The following RALYL variants were observed in gnomAD, a reference collection of about 807,000 sequenced individuals.
The protein encoded by RALYL is RALY RNA binding protein like, also known as RNA-binding Raly-like protein.
Under a neutral mutation model 35.1 loss-of-function variants are expected in RALYL, and 29 were observed. The observed-to-expected ratio is 0.83, with a 90% confidence interval of 0.61 to 1.13. The LOEUF is 1.13. Ranked by LOEUF, RALYL falls within the 50% of genes most tolerant of loss-of-function variation. RALYL has a pLI of 0.00. For missense variants in RALYL, 359 were observed against 360.4 expected (o/e 1.00, Z 0.03); for synonymous variants, 120 against 127.6 (o/e 0.94, Z 0.40).
At chr8:84,209,641 G>T (rs114026624) in intron 1 of RALYL, among the ~76,000 whole-genome samples, 67 of 152,198 alleles carry the variant, frequency 4.4e-4, no homozygotes, top group African/African-American at 1.4e-3. Flanking sequence ...GAAGACCCTA[G>T]ACTTAGGTTC....
intron 1 of RALYL, among the ~76,000 whole-genome samples, chr8:84,379,453 C>T (rs1368018887): frequency 1.3e-5 from 2 of 151,806 alleles, no homozygotes; most frequent in Non-Finnish European, 2.9e-5. Context: ...TTCTAGCATT[C>T]ATATTACTAT....
chr8:84,201,167 A>G (rs1196886250), intron 1 of RALYL, among the ~76,000 whole-genome samples: 1 of 152,190 alleles, frequency 6.6e-6, no homozygotes, highest in Admixed American at 6.5e-5. Flanking sequence ...GAGGTGAGTG[A>G]AGTCAAATCA....
intron 2 of RALYL, among the ~76,000 whole-genome samples, chr8:84,570,510 A>G (rs1042215693): frequency 5.9e-5 from 9 of 151,954 alleles, no homozygotes; most frequent in Middle Eastern, 3.4e-3. Context: ...TAGGTATACA[A>G]TGATGTCATC....
chr8:84,747,161 T>G (rs1391338855), intron 2 of RALYL, among the ~76,000 whole-genome samples: 5 of 151,866 alleles, frequency 3.3e-5, no homozygotes, highest in African/African-American at 1.2e-4. Context: ...TTAAAATTGT[T>G]AGGAGTATGT....
intron 1 of RALYL, among the ~76,000 whole-genome samples, chr8:84,405,866 C>T (rs2043429552): frequency 7.3e-6 from 1 of 136,776 alleles, no homozygotes; most frequent in African/African-American, 2.9e-5. Context: ...TGCTCTGTCA[C>T]CCAGGCTCAG....
At chr8:84,598,531 A>G (rs1432013820) in intron 2 of RALYL, among the ~76,000 whole-genome samples, 1 of 152,196 alleles carries the variant, frequency 6.6e-6, no homozygotes, top group African/African-American at 2.4e-5. Flanking sequence ...TGAGCCCATC[A>G]ATACTTGGAA....
At chr8:84,683,794 C>G (rs1197723405) in intron 2 of RALYL, among the ~76,000 whole-genome samples, 3 of 152,182 alleles carry the variant, frequency 2.0e-5, no homozygotes, top group Non-Finnish European at 4.4e-5. Context: ...TCAAGCGATT[C>G]TCCTGCCACA....
chr8:84,253,598 C>T (rs890180372), intron 1 of RALYL, among the ~76,000 whole-genome samples: 2 of 152,012 alleles, frequency 1.3e-5, no homozygotes, highest in Non-Finnish European at 2.9e-5. Flanking sequence ...AATTGTCCTG[C>T]TCTTCAACCC....
At chr8:84,599,915 G>GTTT (rs754529728) in intron 2 of RALYL, among the ~76,000 whole-genome samples, 2 of 134,872 alleles carry the variant, frequency 1.5e-5, no homozygotes, top group Non-Finnish European at 3.2e-5. Flanking sequence ...AGCAGGAGGT[G>GTTT]TTTTTTTTTT....
chr8:84,525,872 G>T (rs1399529847), intron 1 of RALYL, among the ~76,000 whole-genome samples: 1 of 150,998 alleles, frequency 6.6e-6, no homozygotes, highest in Non-Finnish European at 1.5e-5. Flanking sequence ...CAATTCTTAA[G>T]ATCTGTAGGA....
chr8:84,443,067 C>G (rs145750141), intron 1 of RALYL, among the ~76,000 whole-genome samples: 289 of 152,240 alleles, frequency 1.9e-3, no homozygotes, highest in African/African-American at 6.8e-3. Flanking sequence ...ATTGTAAGGA[C>G]TTAGTACAAG....
intron 7 of RALYL, among the ~76,000 whole-genome samples, chr8:84,876,217 G>A (rs192637725): frequency 2.0e-5 from 3 of 152,246 alleles, no homozygotes; most frequent in Admixed American, 2.0e-4. Context: ...GCACAACTTA[G>A]CAAGTCATTT....
intron 1 of RALYL, among the ~76,000 whole-genome samples, chr8:84,425,050 G>C (rs1020339157): frequency 3.2e-4 from 49 of 152,338 alleles, no homozygotes; most frequent in African/African-American, 1.1e-3. Flanking sequence ...GAGGCAGGCA[G>C]ACCTCCTTGA....
At chr8:84,682,686 AT>A (rs201727482) in intron 2 of RALYL, among the ~76,000 whole-genome samples, 1,578 of 152,264 alleles carry the variant, frequency 0.01, 34 homozygotes, top group African/African-American at 0.035. Flanking sequence ...CAGTGGTGAT[AT>A]CCCCTTTATC....
chr8:84,667,130 A>G (rs1832238338), intron 2 of RALYL, among the ~76,000 whole-genome samples: 1 of 152,034 alleles, frequency 6.6e-6, no homozygotes, highest in South Asian at 2.1e-4. Context: ...GAAAACAGGT[A>G]ATTTGACCAT....
At chr8:84,788,457 T>C (rs962887992) in intron 3 of RALYL, among the ~76,000 whole-genome samples, 2 of 152,196 alleles carry the variant, frequency 1.3e-5, no homozygotes, top group Admixed American at 6.6e-5. Context: ...TGATGTATTT[T>C]AAAATTAGAC....
chr8:84,407,048 TCACACA>T (rs879429303), intron 1 of RALYL, among the ~76,000 whole-genome samples: 15 of 140,132 alleles, frequency 1.1e-4, no homozygotes, highest in African/African-American at 3.7e-4. Context: ...ACACACACAC[TCACACA>T]CACACACACA....
intron 2 of RALYL, among the ~76,000 whole-genome samples, chr8:84,627,072 A>C (rs894284922): frequency 6.6e-6 from 1 of 152,144 alleles, no homozygotes; most frequent in Non-Finnish European, 1.5e-5. Flanking sequence ...TTAACAATGT[A>C]TCTTCAATTT....
chr8:84,580,873 T>G (rs1355678383), intron 2 of RALYL, among the ~76,000 whole-genome samples: 1 of 152,158 alleles, frequency 6.6e-6, no homozygotes, highest in Non-Finnish European at 1.5e-5. Context: ...GACATGTTTC[T>G]GCTCCACAGG....
Sources: allele counts gnomAD v4.1 joint callset (sites outside exome capture counted in the v4.1 genomes callset), GRCh38; gene constraint gnomAD v4.1.1; transcripts MANE v1.5; gene names NCBI Gene and HGNC (gene_info 2026-07-23, HGNC 2026-07-21).